Variants in MAGI1 observed in about 807,000 individuals in gnomAD.
MAGI1 encodes the protein membrane associated guanylate kinase, WW and PDZ domain containing 1, also known as membrane-associated guanylate kinase, WW and PDZ domain-containing protein 1.
Under a neutral mutation model 139.9 loss-of-function variants are expected in MAGI1, and 58 were observed. That is an observed-to-expected ratio of 0.41 (90% CI 0.34 to 0.52). The LOEUF (loss-of-function observed/expected upper bound fraction) is 0.52, where lower values mean the gene tolerates loss of function less well. MAGI1 is among the 20% of genes least tolerant of loss of function. The pLI is 0.12. For missense variants in MAGI1, 1,874 were observed against 1,901.6 expected (o/e 0.99, Z 0.27); for synonymous variants, 812 against 737.9 (o/e 1.10, Z -1.63).
intron 1 of MAGI1, among the ~76,000 whole-genome samples, chr3:65,715,963 T>C (rs991979088): frequency 1.3e-5 from 2 of 152,196 alleles, no homozygotes; most frequent in Admixed American, 6.5e-5. Context: ...TGGAAGTGGT[T>C]TGTTGAAGTA....
chr3:65,512,345 C>CA (rs1416032913), intron 2 of MAGI1, among the ~76,000 whole-genome samples: 12 of 143,200 alleles, frequency 8.4e-5, no homozygotes, highest in East Asian at 2.1e-4. Context: ...AAAAACCCTT[C>CA]AAAAAATCAA....
intron 1 of MAGI1, among the ~76,000 whole-genome samples, chr3:65,941,726 A>G (rs2063324458): frequency 6.6e-6 from 1 of 152,128 alleles, no homozygotes; most frequent in Admixed American, 6.6e-5. Flanking sequence ...TAACATCCTC[A>G]GAAATAAGAA....
chr3:65,627,809 T>C (rs1451354162), intron 1 of MAGI1, among the ~76,000 whole-genome samples: 1 of 152,114 alleles, frequency 6.6e-6, no homozygotes, highest in Admixed American at 6.6e-5. Flanking sequence ...CCCAGCTATA[T>C]TTCTGTATCT....
chr3:65,987,384 A>G (rs1255066868), intron 1 of MAGI1, among the ~76,000 whole-genome samples: 2 of 152,190 alleles, frequency 1.3e-5, no homozygotes, highest in Non-Finnish European at 2.9e-5. Flanking sequence ...AATCAAAGAC[A>G]TAACAGACAT....
chr3:65,576,328 C>T (rs758355049), intron 2 of MAGI1, among the ~76,000 whole-genome samples: 3 of 152,090 alleles, frequency 2.0e-5, no homozygotes, highest in African/African-American at 4.8e-5. Context: ...ATAGTGACAC[C>T]AATATCATGA....
At chr3:65,363,245 T>C (rs1362339247) in intron 21 of MAGI1, among the ~76,000 whole-genome samples, 1 of 152,188 alleles carries the variant, frequency 6.6e-6, no homozygotes, top group East Asian at 1.9e-4. Flanking sequence ...ATTCCCTATA[T>C]CAACCCCAAA....
At chr3:65,679,241 C>T (rs2087406613) in intron 1 of MAGI1, among the ~76,000 whole-genome samples, 1 of 152,186 alleles carries the variant, frequency 6.6e-6, no homozygotes, top group Non-Finnish European at 1.5e-5. Context: ...TATATGAATT[C>T]CATACAGTGA....
intron 1 of MAGI1, among the ~76,000 whole-genome samples, chr3:65,943,294 G>C (rs2063397981): frequency 6.6e-6 from 1 of 152,014 alleles, no homozygotes; most frequent in Non-Finnish European, 1.5e-5. Context: ...ATCATCTCAG[G>C]GCCAGGCACA....
chr3:66,023,483 C>A (rs1301413647), intron 1 of MAGI1, among the ~76,000 whole-genome samples: 2 of 152,264 alleles, frequency 1.3e-5, no homozygotes, highest in East Asian at 3.9e-4. Context: ...TTATGCAATG[C>A]AGAACAATCC....
At chr3:65,782,322 T>C (rs144812131) in intron 1 of MAGI1, among the ~76,000 whole-genome samples, 17 of 152,186 alleles carry the variant, frequency 1.1e-4, no homozygotes, top group African/African-American at 4.1e-4. Flanking sequence ...TAGCAGGCTT[T>C]GAAGATGGAG....
At chr3:65,702,747 A>G (rs1223430047) in intron 1 of MAGI1, among the ~76,000 whole-genome samples, 2 of 151,976 alleles carry the variant, frequency 1.3e-5, no homozygotes, top group Non-Finnish European at 2.9e-5. Flanking sequence ...TGTTTGTTTT[A>G]CTTACTTATC....
intron 1 of MAGI1, among the ~76,000 whole-genome samples, chr3:66,005,743 C>T (rs966495876): frequency 1.3e-5 from 2 of 152,068 alleles, no homozygotes; most frequent in Admixed American, 6.6e-5. Flanking sequence ...AGCACCATGC[C>T]AGGGAGAGAT....
chr3:65,363,323 G>T, intron 21 of MAGI1, 142 bp downstream of exon 21: 1 of 973,062 alleles, frequency 1.0e-6, no homozygotes, highest in Non-Finnish European at 1.5e-6. Flanking sequence ...ATATTTGGTA[G>T]GGTAGGAGTC....
chr3:65,945,868 C>A (rs528469537), intron 1 of MAGI1, among the ~76,000 whole-genome samples: 169 of 152,332 alleles, frequency 1.1e-3, no homozygotes, highest in Admixed American at 4.0e-3. Flanking sequence ...CTAACACTGC[C>A]AATCCCTGTT....
intron 1 of MAGI1, among the ~76,000 whole-genome samples, chr3:65,797,682 C>T (rs1292821013): frequency 6.6e-6 from 1 of 152,074 alleles, no homozygotes; most frequent in Non-Finnish European, 1.5e-5. Context: ...CACCACTGCA[C>T]TCCAGCTTGA....
chr3:65,556,189 C>T (rs1456825332), intron 2 of MAGI1, among the ~76,000 whole-genome samples: 1 of 152,164 alleles, frequency 6.6e-6, no homozygotes, highest in Non-Finnish European at 1.5e-5. Flanking sequence ...TGCATCTTCT[C>T]ACTTTGAAAG....
chr3:65,996,559 G>T (rs552105352), intron 1 of MAGI1, among the ~76,000 whole-genome samples: 1 of 146,512 alleles, frequency 6.8e-6, no homozygotes, highest in African/African-American at 2.6e-5. Context: ...GGGGGGAAGC[G>T]AGCCCCCACT....
At chr3:65,799,925 A>T (rs1297081255) in intron 1 of MAGI1, among the ~76,000 whole-genome samples, 20 of 152,220 alleles carry the variant, frequency 1.3e-4, no homozygotes, top group Admixed American at 1.3e-3. Flanking sequence ...AAAAATAGAT[A>T]AAACAAGCAA....
At chr3:65,587,871 A>T (rs2081767051) in intron 2 of MAGI1, among the ~76,000 whole-genome samples, 1 of 152,116 alleles carries the variant, frequency 6.6e-6, no homozygotes, top group Non-Finnish European at 1.5e-5. Context: ...TCGCATTACA[A>T]CACAATGAAA....
Sources: allele counts gnomAD v4.1 joint callset (sites outside exome capture counted in the v4.1 genomes callset), GRCh38; gene constraint gnomAD v4.1.1; transcripts MANE v1.5; gene names NCBI Gene and HGNC (gene_info 2026-07-23, HGNC 2026-07-21).